Variants in FANCC observed in about 807,000 individuals in gnomAD.
The protein encoded by FANCC is Fanconi anemia group C protein.
In FANCC, 55 loss-of-function variants were observed where a neutral mutation model predicts 71.3. That is an observed-to-expected ratio of 0.77 (90% CI 0.62 to 0.97). The LOEUF (loss-of-function observed/expected upper bound fraction) is 0.97, where lower values mean the gene tolerates loss of function less well. Ranked by LOEUF, FANCC falls within the 50% of genes least tolerant of loss-of-function variation. FANCC has a pLI of 0.00. For synonymous variants in FANCC, 275 were observed against 244.9 expected (o/e 1.12, Z -1.15); for missense variants, 678 against 670.9 (o/e 1.01, Z -0.12).
chr9:95,125,062 AG>A (rs754844426), intron 10 of FANCC, 23 bp downstream of exon 10: 78 of 1,582,188 alleles, frequency 4.9e-5, no homozygotes, highest in Non-Finnish European at 6.6e-5. Context: ...GGGATGAATG[AG>A]TAATATATGT....
intron 1 of FANCC, 195 bp downstream of exon 1, chr9:95,317,331 C>G (rs1835822017): frequency 6.6e-6 from 1 of 151,188 alleles, no homozygotes; most frequent in African/African-American, 2.4e-5. Flanking sequence ...CCTCCCGCCT[C>G]CCGCCTCAGC....
chr9:95,161,837 CTT>C (rs1564709788), intron 6 of FANCC, among the ~76,000 whole-genome samples: 3 of 123,896 alleles, frequency 2.4e-5, no homozygotes, highest in Non-Finnish European at 4.8e-5. Flanking sequence ...TGCTTCTTTT[CTT>C]TTCTTTTTTT....
At chr9:95,116,115 GGCCC>G (rs1247847395) in intron 11 of FANCC, among the ~76,000 whole-genome samples, 2 of 152,208 alleles carry the variant, frequency 1.3e-5, no homozygotes, top group Non-Finnish European at 2.9e-5. Flanking sequence ...TAAAGGGTTG[GGCCC>G]ATGCCCATGC....
rs144297069 is a variant in FANCC at position 95,292,138 on chromosome 9, G to C, written c.-79+25388C>G. On this transcript the variant is annotated intron_variant, in intron 1 of 14. Coordinates refer to ENST00000289081, the MANE Select transcript of FANCC (RefSeq NM_000136.3). ...TAAAAACACACAGACAAATGGAACA[G>C]AAAAGAGAACACACTTACAGTCAAC... 1.5e-3 allele frequency among the ~76,000 whole-genome samples: 218 copies of C among 149,802 alleles called. 1 individual carries two copies. Among genetic ancestry groups the C allele is most frequent in the African/African-American group, 5.1e-3 (209 of 41,234 alleles).
chr9:95,272,438 G>A (rs1832795441), intron 1 of FANCC, among the ~76,000 whole-genome samples: 1 of 152,132 alleles, frequency 6.6e-6, no homozygotes, highest in Non-Finnish European at 1.5e-5. Flanking sequence ...ATGAACATAA[G>A]TTAGCCGGCT....
At chr9:95,160,436 T>C (rs1007536416) in intron 6 of FANCC, among the ~76,000 whole-genome samples, 19 of 152,218 alleles carry the variant, frequency 1.2e-4, no homozygotes, top group African/African-American at 4.6e-4. Context: ...TACAGACTTG[T>C]AGTACAGTTT....
intron 1 of FANCC, among the ~76,000 whole-genome samples, chr9:95,316,562 G>A (rs1835751018): frequency 6.6e-6 from 1 of 152,192 alleles, no homozygotes; most frequent in South Asian, 2.1e-4. Flanking sequence ...TCACAGTTTA[G>A]ATGCATTAAA....
chr9:95,116,050 C>T (rs191723795), intron 11 of FANCC, among the ~76,000 whole-genome samples: 73 of 152,358 alleles, frequency 4.8e-4, no homozygotes, highest in African/African-American at 1.3e-3. Context: ...TACTTCTGCC[C>T]GAAGCCACCT....
rs549305614 is a variant in FANCC at position 95,109,971 on chromosome 9, A to G, written c.1329+1492T>C. On this transcript the variant is annotated intron_variant, in intron 13 of 14. Coordinates refer to ENST00000289081, the MANE Select transcript of FANCC (RefSeq NM_000136.3). Reference sequence around the variant, plus strand: ...CGCCACATACACCAATGCCTCAGGCAGGCACCAGCAAGGAAGGGGCTCTGG... The same window carrying G: ...CGCCACATACACCAATGCCTCAGGCGGGCACCAGCAAGGAAGGGGCTCTGG... Among the ~76,000 whole-genome samples the G allele has an allele frequency of 2.0e-5, 3 of 152,326 alleles. No homozygotes were observed. In the East Asian group the frequency reaches 5.8e-4, roughly 29 times the overall value.
At chr9:95,271,917 C>G (rs1263340199) in intron 1 of FANCC, among the ~76,000 whole-genome samples, 1 of 110,478 alleles carries the variant, frequency 9.1e-6, no homozygotes, top group East Asian at 3.2e-4. Context: ...TCAATCCCAT[C>G]AAGCCTCTTC....
intron 4 of FANCC, among the ~76,000 whole-genome samples, chr9:95,218,689 A>C (rs1320747814): frequency 6.6e-6 from 1 of 152,242 alleles, no homozygotes; most frequent in African/African-American, 2.4e-5. Flanking sequence ...CCATACTAGA[A>C]TAGTATAAAG....
intron 4 of FANCC, among the ~76,000 whole-genome samples, chr9:95,238,627 A>G (rs999558471): frequency 4.6e-5 from 7 of 151,428 alleles, no homozygotes; most frequent in African/African-American, 1.5e-4. Context: ...GTGCAGTGGC[A>G]TGATATCAGC....
At chr9:95,305,379 G>A (rs1835015008) in intron 1 of FANCC, among the ~76,000 whole-genome samples, 1 of 152,084 alleles carries the variant, frequency 6.6e-6, no homozygotes, top group African/African-American at 2.4e-5. Flanking sequence ...CCCACTAAGT[G>A]GAAACTAAGA....
intron 1 of FANCC, among the ~76,000 whole-genome samples, chr9:95,277,896 CA>C (rs1310189959): frequency 1.3e-5 from 2 of 151,320 alleles, no homozygotes; most frequent in African/African-American, 2.4e-5. Context: ...ACCCACTTTG[CA>C]AAAAAAAGTG....
chr9:95,129,820 G>A (rs1826612690), intron 8 of FANCC, among the ~76,000 whole-genome samples: 1 of 152,094 alleles, frequency 6.6e-6, no homozygotes, highest in African/African-American at 2.4e-5. Context: ...GATGACTAGG[G>A]AGCGAAGATG....
chr9:95,204,260 T>C (rs978602443), intron 4 of FANCC, among the ~76,000 whole-genome samples: 5 of 152,230 alleles, frequency 3.3e-5, no homozygotes, highest in African/African-American at 1.2e-4. Flanking sequence ...AGGCGTCCAT[T>C]ACTCATGTCT....
At chr9:95,140,684 C>T (rs1828519703) in intron 7 of FANCC, among the ~76,000 whole-genome samples, 2 of 152,088 alleles carry the variant, frequency 1.3e-5, no homozygotes, top group African/African-American at 4.8e-5. Flanking sequence ...GTTTGGGTTG[C>T]CAGACAAACT....
chr9:95,146,810 TGTTTCCAGA>T (rs1290067719), intron 7 of FANCC, among the ~76,000 whole-genome samples: 1 of 152,108 alleles, frequency 6.6e-6, no homozygotes, highest in Non-Finnish European at 1.5e-5. Context: ...TTCAAAGAAC[TGTTTCCAGA>T]GAGGGAGGGA....
intron 7 of FANCC, among the ~76,000 whole-genome samples, chr9:95,137,789 G>T (rs1243876410): frequency 6.6e-6 from 1 of 152,230 alleles, no homozygotes; most frequent in Non-Finnish European, 1.5e-5. Flanking sequence ...AGCAGCTGCA[G>T]ATGGCAGGAG....
Sources: gnomAD v4.1 joint callset for allele counts (sites outside exome capture counted in the v4.1 genomes callset) on GRCh38, gnomAD v4.1.1 for gene constraint, MANE v1.5 for transcripts, NCBI Gene and HGNC (gene_info 2026-07-23, HGNC 2026-07-21) for gene names.